Variants in RB1CC1 observed in about 807,000 individuals in gnomAD.
RB1CC1 encodes the protein RB1 inducible coiled-coil 1.
Under a neutral mutation model 177.5 loss-of-function variants are expected in RB1CC1, and 46 were observed. The ratio of observed to expected loss-of-function variants is 0.26; its 90% CI spans 0.20 to 0.33. RB1CC1 has a LOEUF of 0.33. RB1CC1 is among the 10% of genes least tolerant of loss of function. RB1CC1 has a pLI of 1.00. For synonymous variants in RB1CC1, 666 were observed against 613.6 expected, an observed-to-expected ratio of 1.09 and a Z score of -1.26; for missense variants, 1,703 against 1,816.3, an observed-to-expected ratio of 0.94 and a Z score of 1.13.
intron 1 of RB1CC1, among the ~76,000 whole-genome samples, chr8:52,697,527 T>C (rs951870230): frequency 2.6e-5 from 4 of 152,186 alleles, no homozygotes; most frequent in South Asian, 2.1e-4. Context: ...TAACAGAAAA[T>C]GAACTCTGAA....
intron 5 of RB1CC1, among the ~76,000 whole-genome samples, chr8:52,682,138 C>G (rs143516602): frequency 6.6e-6 from 1 of 152,306 alleles, no homozygotes; most frequent in Admixed American, 6.5e-5. Flanking sequence ...AGAGCTGCCC[C>G]AAGTCCATGG....
intron 5 of RB1CC1, among the ~76,000 whole-genome samples, chr8:52,678,699 T>C (rs999453479): frequency 1.7e-4 from 26 of 152,040 alleles, no homozygotes; most frequent in Admixed American, 9.8e-4. Context: ...AAGATAATAT[T>C]GTTAATGAAC....
chr8:52,706,143 TA>T (rs34153328), intron 1 of RB1CC1, among the ~76,000 whole-genome samples: 13 of 147,668 alleles, frequency 8.8e-5, no homozygotes, highest in African/African-American at 1.5e-4. Context: ...ACATATCCAT[TA>T]AAAAAAAAAG....
At chr8:52,626,322 C>A (rs2150367391) in intron 22 of RB1CC1, among the ~76,000 whole-genome samples, 1 of 152,266 alleles carries the variant, frequency 6.6e-6, no homozygotes, top group East Asian at 1.9e-4. Flanking sequence ...TTTAAAATGG[C>A]AGTGTGCATT....
At chr8:52,680,968 TTG>T (rs34048284) in intron 5 of RB1CC1, among the ~76,000 whole-genome samples, 2,411 of 130,998 alleles carry the variant, frequency 0.018, 70 homozygotes, top group African/African-American at 0.067. Context: ...TTGTGGGGTT[TTG>T]TGTGTGTGTG....
At chr8:52,701,585 G>T (rs113031983) in intron 1 of RB1CC1, among the ~76,000 whole-genome samples, 29 of 152,140 alleles carry the variant, frequency 1.9e-4, no homozygotes, top group South Asian at 8.3e-4. Context: ...AAGAGATGGG[G>T]TCTCTCTATG....
At chr8:52,641,981 A>T (rs562997445) in intron 18 of RB1CC1, among the ~76,000 whole-genome samples, 18 of 151,618 alleles carry the variant, frequency 1.2e-4, no homozygotes, top group Admixed American at 3.3e-4. Flanking sequence ...ATAATAATAA[A>T]AAACCCTTCC....
chr8:52,705,033 A>C (rs1340485968), intron 1 of RB1CC1, among the ~76,000 whole-genome samples: 6 of 152,196 alleles, frequency 3.9e-5, no homozygotes, highest in Non-Finnish European at 8.8e-5. Context: ...CCCTCTGCTT[A>C]AACAGTCTTT....
intron 5 of RB1CC1, among the ~76,000 whole-genome samples, chr8:52,679,837 G>T (rs1046027069): frequency 1.3e-5 from 2 of 152,080 alleles, no homozygotes; most frequent in Non-Finnish European, 2.9e-5. Context: ...AGTAGCAGAA[G>T]AAATAATACC....
Position 52,652,352 on chromosome 8 carries a change from G to A in RB1CC1, c.3821+3656C>T, listed in dbSNP as rs756301731. On this transcript the variant is annotated intron_variant, in intron 15 of 23. Transcript: ENST00000025008. ...GTGGTGTCACGCACCTGTAGTCCCAGCTACTCGGGAGGCTGAGGCAGGAGA... is the reference window on the plus strand; with the variant it reads ...GTGGTGTCACGCACCTGTAGTCCCAACTACTCGGGAGGCTGAGGCAGGAGA... Among the ~76,000 whole-genome samples, 12 of 151,410 alleles carry A rather than the reference G, an allele frequency of 7.9e-5. No homozygotes were observed. In the South Asian group the frequency reaches 2.3e-3, roughly 29 times the overall value.
chr8:52,627,954 A>T (rs1022419229), intron 22 of RB1CC1, 78 bp downstream of exon 22: 17 of 1,309,926 alleles, frequency 1.3e-5, no homozygotes, highest in Admixed American at 3.1e-5. Context: ...TTATGTAATT[A>T]AACAGGGAAA....
At chr8:52,695,056 G>A (rs567630401) in intron 1 of RB1CC1, among the ~76,000 whole-genome samples, 17 of 152,184 alleles carry the variant, frequency 1.1e-4, no homozygotes, top group African/African-American at 3.6e-4. Flanking sequence ...GTTATCAAGT[G>A]GTTAACAAAT....
intron 1 of RB1CC1, among the ~76,000 whole-genome samples, chr8:52,702,777 G>A (rs999782386): frequency 4.6e-5 from 7 of 151,928 alleles, no homozygotes; most frequent in Non-Finnish European, 8.8e-5. Flanking sequence ...ATCAATACAT[G>A]TCTGTCTAAA....
chr8:52,697,463 G>A (rs1197072850), intron 1 of RB1CC1, among the ~76,000 whole-genome samples: 3 of 152,056 alleles, frequency 2.0e-5, no homozygotes, highest in Admixed American at 6.6e-5. Context: ...ACAGGGTATC[G>A]GATTATACTA....
intron 23 of RB1CC1, 76 bp from the exon 24 acceptor site, chr8:52,623,935 C>CACA: frequency 1.0e-6 from 1 of 963,700 alleles, no homozygotes; most frequent in Non-Finnish European, 1.6e-6. Context: ...CACACACACA[C>CACA]CCAAAAAACA....
chr8:52,646,076 ATT>A (rs1360526559), intron 15 of RB1CC1, among the ~76,000 whole-genome samples: 1 of 152,222 alleles, frequency 6.6e-6, no homozygotes, highest in East Asian at 1.9e-4. Flanking sequence ...AGGTTTACTG[ATT>A]TTTATCAGTA....
At chr8:52,637,514 T>C (rs1384996866) in intron 18 of RB1CC1, among the ~76,000 whole-genome samples, 2 of 152,136 alleles carry the variant, frequency 1.3e-5, no homozygotes, top group African/African-American at 4.8e-5. Context: ...CAATTGATTT[T>C]TGCACACTGA....
At chr8:52,630,057 T>C (rs931404344) in intron 21 of RB1CC1, among the ~76,000 whole-genome samples, 1 of 151,952 alleles carries the variant, frequency 6.6e-6, no homozygotes, top group Non-Finnish European at 1.5e-5. Flanking sequence ...CATTGACAAT[T>C]TGTTTATTAT....
chr8:52,705,755 G>A (rs545052375), intron 1 of RB1CC1, among the ~76,000 whole-genome samples: 54 of 152,220 alleles, frequency 3.5e-4, no homozygotes, highest in Non-Finnish European at 6.2e-4. Flanking sequence ...TGGCTTGCTT[G>A]AGCCTGGGAG....
Sources: allele counts gnomAD v4.1 joint callset (sites outside exome capture counted in the v4.1 genomes callset), GRCh38; gene constraint gnomAD v4.1.1; transcripts MANE v1.5; gene names NCBI Gene and HGNC (gene_info 2026-07-23, HGNC 2026-07-21).